LRRC7: variants seen among roughly 807,000 people sequenced by gnomAD.
The protein encoded by LRRC7 is leucine rich repeat containing 7, also known as leucine-rich repeat-containing protein 7.
In LRRC7, 23 loss-of-function variants were observed where a neutral mutation model predicts 175.7. That is an observed-to-expected ratio of 0.13 (90% CI 0.09 to 0.19). The LOEUF is 0.19. LRRC7 is among the 10% of genes least tolerant of loss of function. LRRC7 has a pLI of 1.00. For synonymous variants in LRRC7, 685 were observed against 680.9 expected (o/e 1.01, Z -0.09); for missense variants, 1,354 against 1,904.7 (o/e 0.71, Z 5.38).
At chr1:70,007,157 A>G (rs182896281) in intron 11 of LRRC7, among the ~76,000 whole-genome samples, 1 of 152,194 alleles carries the variant, frequency 6.6e-6, no homozygotes, top group African/African-American at 2.4e-5. Flanking sequence ...CCCTCTAATC[A>G]CAAGGTGGTT....
At chr1:69,863,816 C>A (rs1410440311) in intron 7 of LRRC7, among the ~76,000 whole-genome samples, 1 of 152,132 alleles carries the variant, frequency 6.6e-6, no homozygotes, top group Admixed American at 6.6e-5. Flanking sequence ...TTTTCCAAAG[C>A]TAAAATGCAA....
chr1:69,999,602 G>A (rs1232344860), intron 11 of LRRC7, among the ~76,000 whole-genome samples: 2 of 152,236 alleles, frequency 1.3e-5, no homozygotes, highest in Admixed American at 6.5e-5. Context: ...AACCACTGAA[G>A]CATTAGCTGG....
At chr1:70,107,890 A>G in intron 26 of LRRC7, 64 bp downstream of exon 26, 1 of 1,300,514 alleles carries the variant, frequency 7.7e-7, no homozygotes, top group Non-Finnish European at 1.1e-6. Context: ...CCATGTTACC[A>G]AGTTAAATGA....
chr1:69,573,140 A>T (rs1210131533), intron 1 of LRRC7, among the ~76,000 whole-genome samples: 2 of 152,162 alleles, frequency 1.3e-5, no homozygotes, highest in Non-Finnish European at 2.9e-5. Context: ...TCCTACAGGA[A>T]GCATGATTCT....
intron 8 of LRRC7, among the ~76,000 whole-genome samples, chr1:69,942,719 G>A (rs569541409): frequency 2.0e-5 from 3 of 151,788 alleles, no homozygotes; most frequent in African/African-American, 7.2e-5. Flanking sequence ...AATTACACTG[G>A]GCCCCCTCAG....
At chr1:69,699,903 G>A (rs1407503190) in intron 2 of LRRC7, among the ~76,000 whole-genome samples, 1 of 152,148 alleles carries the variant, frequency 6.6e-6, no homozygotes, top group African/African-American at 2.4e-5. Flanking sequence ...GTTTTCAACT[G>A]CAGGGAATTT....
intron 21 of LRRC7, among the ~76,000 whole-genome samples, chr1:70,042,848 G>T (rs17131153): frequency 0.026 from 3,897 of 152,208 alleles, 192 homozygotes; most frequent in African/African-American, 0.089. Flanking sequence ...CCATCAGGAG[G>T]ATAATAATCT....
At chr1:70,031,839 G>A (rs1571095252) in intron 18 of LRRC7, among the ~76,000 whole-genome samples, 1 of 145,264 alleles carries the variant, frequency 6.9e-6, no homozygotes, top group East Asian at 2.0e-4. Context: ...TCGCTCTGTT[G>A]CCAGGCTGGA....
chr1:69,676,102 T>A (rs564172252), intron 1 of LRRC7, among the ~76,000 whole-genome samples: 1 of 151,938 alleles, frequency 6.6e-6, no homozygotes, highest in African/African-American at 2.4e-5. Flanking sequence ...TTTGGAAGAC[T>A]TTTTTTAAGC....
intron 1 of LRRC7, among the ~76,000 whole-genome samples, chr1:69,606,595 G>A (rs1647622619): frequency 6.6e-6 from 1 of 151,942 alleles, no homozygotes. Flanking sequence ...CTCTATTATA[G>A]TGCACAAGTC....
chr1:69,845,720 C>T (rs1682282786), intron 7 of LRRC7, among the ~76,000 whole-genome samples: 3 of 152,020 alleles, frequency 2.0e-5, no homozygotes, highest in South Asian at 2.1e-4. Flanking sequence ...TAATGAAATA[C>T]ATCAATAGGT....
At chr1:69,792,434 A>G (rs1369549205) in intron 4 of LRRC7, among the ~76,000 whole-genome samples, 2 of 152,000 alleles carry the variant, frequency 1.3e-5, no homozygotes, top group African/African-American at 2.4e-5. Context: ...TACTGCCCTC[A>G]CAAAGCTGAC....
intron 2 of LRRC7, among the ~76,000 whole-genome samples, chr1:69,720,407 G>A (rs1666223132): frequency 1.3e-5 from 2 of 151,548 alleles, no homozygotes; most frequent in South Asian, 2.1e-4. Context: ...ACTCCATCTT[G>A]TGCCATTATG....
intron 3 of LRRC7, among the ~76,000 whole-genome samples, chr1:69,774,065 G>A (rs1672541937): frequency 6.6e-6 from 1 of 152,144 alleles, no homozygotes; most frequent in Non-Finnish European, 1.5e-5. Flanking sequence ...GGTCACAGGT[G>A]ACCCCTAGGT....
chr1:69,638,351 TAC>T (rs1333285730), intron 1 of LRRC7, among the ~76,000 whole-genome samples: 3 of 151,888 alleles, frequency 2.0e-5, no homozygotes, highest in African/African-American at 7.2e-5. Flanking sequence ...TTCTGTTTGA[TAC>T]GTCATGATCA....
At chr1:69,949,963 A>G (rs1250455059) in intron 8 of LRRC7, among the ~76,000 whole-genome samples, 1 of 144,976 alleles carries the variant, frequency 6.9e-6, no homozygotes, top group Non-Finnish European at 1.5e-5. Context: ...ACAAAATTCT[A>G]TGCATTTATG....
chr1:69,608,454 C>A (rs940837570), intron 1 of LRRC7, among the ~76,000 whole-genome samples: 1 of 151,986 alleles, frequency 6.6e-6, no homozygotes. Flanking sequence ...GCTGTAGTTG[C>A]CCACTGGCTG....
chr1:69,812,900 G>T (rs559754275), intron 4 of LRRC7, among the ~76,000 whole-genome samples: 2 of 152,194 alleles, frequency 1.3e-5, no homozygotes, highest in South Asian at 4.1e-4. Flanking sequence ...ATCACCTCAA[G>T]CTATTGATGC....
rs1205977561 is a variant in LRRC7, at chr1:70,138,480, T to C, written c.*16593T>C. 6.6e-6 allele frequency: 1 copy of C among 152,174 alleles called. No homozygotes were observed. Among genetic ancestry groups the C allele is most frequent in the Admixed American group, 6.5e-5 (1 of 15,272 alleles). The allele number at this position is 152,174 out of a possible 1,614,324, so 9.4% of individuals were successfully genotyped here. Reference sequence around the variant, plus strand: ...AATATTCTAAAATGAGGGATATTGGTCCTTTTGTGACTGAGCTATATGATA... The same window carrying C: ...AATATTCTAAAATGAGGGATATTGGCCCTTTTGTGACTGAGCTATATGATA... On this transcript the variant is annotated 3_prime_UTR_variant, in exon 27 of 27. Transcript: ENST00000651989.
Sources: allele counts gnomAD v4.1 joint callset (sites outside exome capture counted in the v4.1 genomes callset), GRCh38; gene constraint gnomAD v4.1.1; transcripts MANE v1.5; gene names NCBI Gene and HGNC (gene_info 2026-07-23, HGNC 2026-07-21).